PPP4R3A: variants seen among roughly 807,000 people sequenced by gnomAD.
PPP4R3A encodes serine/threonine-protein phosphatase 4 regulatory subunit 3A.
Under a neutral mutation model 91.7 loss-of-function variants are expected in PPP4R3A, and 15 were observed. The observed-to-expected ratio is 0.16, with a 90% confidence interval of 0.11 to 0.25. The LOEUF is 0.25. Among genes scored for constraint, PPP4R3A ranks in the 10% least tolerant of loss-of-function variants. The pLI, the probability that PPP4R3A is intolerant of heterozygous loss-of-function variation, is 1.00. For synonymous variants in PPP4R3A, 377 were observed against 348.7 expected, an observed-to-expected ratio of 1.08 and a Z score of -0.91; for missense variants, 623 against 998.4, an observed-to-expected ratio of 0.62 and a Z score of 5.07.
chr14:91,461,090 T>C (rs779204669), intron 14 of PPP4R3A, among the ~76,000 whole-genome samples: 4 of 152,236 alleles, frequency 2.6e-5, no homozygotes, highest in Non-Finnish European at 5.9e-5. Flanking sequence ...ACTGAAAACC[T>C]TGAACATTTC....
chr14:91,501,817 G>A (rs1475308487), intron 1 of PPP4R3A, among the ~76,000 whole-genome samples: 5 of 148,918 alleles, frequency 3.4e-5, no homozygotes, highest in Non-Finnish European at 7.4e-5. Flanking sequence ...CCATTCTCCT[G>A]CCTCAGCCTC....
chr14:91,486,905 C>CAAA (rs769201002), intron 2 of PPP4R3A, among the ~76,000 whole-genome samples: 28 of 86,894 alleles, frequency 3.2e-4, no homozygotes, highest in African/African-American at 8.5e-4. Flanking sequence ...ACTCTGTCTC[C>CAAA]AAAAAAAAAA....
intron 10 of PPP4R3A, among the ~76,000 whole-genome samples, chr14:91,468,667 C>CAAAAAAAAAAAAAAAAAAAAAAAAA (rs766250846): frequency 1.1e-4 from 5 of 45,042 alleles, no homozygotes; most frequent in South Asian, 1.7e-3. Flanking sequence ...GACTCCGTCT[C>CAAAAAAAAAAAAAAAAAAAAAAAAA]AAAAAAAAAA....
At chr14:91,459,007 C>CATAATGAATTGAAG in intron 14 of PPP4R3A, 138 bp from the exon 15 acceptor site, 2 of 930,362 alleles carry the variant, frequency 2.1e-6, no homozygotes, top group Non-Finnish European at 3.1e-6. Flanking sequence ...CTGTGTTAAA[C>CATAATGAATTGAAG]TTCAATTCAT....
At chr14:91,490,228 C>T (rs905124575) in intron 2 of PPP4R3A, among the ~76,000 whole-genome samples, 4 of 152,100 alleles carry the variant, frequency 2.6e-5, no homozygotes, top group Admixed American at 6.5e-5. Flanking sequence ...TATTTTTTTG[C>T]ATATTAGAAA....
chr14:91,462,495 T>C (rs1003913843), intron 12 of PPP4R3A, among the ~76,000 whole-genome samples: 1 of 102,442 alleles, frequency 9.8e-6, no homozygotes, highest in Non-Finnish European at 1.8e-5. Context: ...ACTTCCACTG[T>C]TTGGTCTTTT....
rs749611634 is a variant in PPP4R3A, at chr14:91,509,668, G to A, written c.-21C>T. On this transcript the variant is annotated 5_prime_UTR_variant, in exon 1 of 15. Coordinates refer to ENST00000554943, the MANE Select transcript of PPP4R3A (RefSeq NM_001366432.2). ...GTCATCGTGCCGCCCGGGAACCGGG[G>A]CGGGGGCCCCGCCAGTAGACGCCCA... The A allele has an allele frequency of 2.3e-5, 36 of 1,588,780 alleles. No individual in the cohort carries two copies. Among genetic ancestry groups the A allele is most frequent in the Non-Finnish European group, 2.8e-5 (33 of 1,174,820 alleles).
intron 1 of PPP4R3A, among the ~76,000 whole-genome samples, chr14:91,497,486 T>G (rs1033837292): frequency 6.6e-6 from 1 of 151,950 alleles, no homozygotes; most frequent in African/African-American, 2.4e-5. Context: ...TGAGAAAGAA[T>G]GAGAAAGGAA....
chr14:91,509,825 G>C lies in PPP4R3A; in HGVS notation c.-178C>G. 8.4e-7 allele frequency: 1 copy of C among 1,186,214 alleles called. No homozygotes were observed. The highest frequency in any genetic ancestry group is 1.0e-6 in the Non-Finnish European group (1 of 961,584). 73.5% of individuals were successfully genotyped at this position (1,186,214 alleles called of 1,614,324 possible). A position where few individuals can be genotyped will look rare whatever the true frequency, so the allele number is the denominator to read the frequency against. The stretch of plus-strand genomic sequence containing the variant: ...CTGCATGGCCCGCTCCAGGGACCGA[G>C]CTCTGGGCCGCCGCCTTTCCTCGCC... On this transcript the variant is annotated 5_prime_UTR_variant, in exon 1 of 15. Coordinates refer to ENST00000554943, the MANE Select transcript of PPP4R3A (RefSeq NM_001366432.2).
At chr14:91,476,553 T>C (rs1481945385) in intron 5 of PPP4R3A, 29 bp from the exon 6 acceptor site, 1 of 1,420,700 alleles carries the variant, frequency 7.0e-7, no homozygotes, top group Non-Finnish European at 9.7e-7. Flanking sequence ...ATAAGTGATA[T>C]AAAAAGTTTA....
chr14:91,498,120 A>G (rs1352144761), intron 1 of PPP4R3A, among the ~76,000 whole-genome samples: 1 of 152,176 alleles, frequency 6.6e-6, no homozygotes, highest in Non-Finnish European at 1.5e-5. Flanking sequence ...GAATCACTTG[A>G]TGTCAGGAAT....
At chr14:91,479,293 C>CATGT (rs372315479) in intron 4 of PPP4R3A, among the ~76,000 whole-genome samples, 2 of 144,088 alleles carry the variant, frequency 1.4e-5, no homozygotes, top group Non-Finnish European at 3.0e-5. Flanking sequence ...TAAAAAACAA[C>CATGT]GTGTGTGTGT....
chr14:91,465,130 CTT>C (rs34464175), intron 11 of PPP4R3A, 118 bp downstream of exon 11: 28,773 of 605,816 alleles, frequency 0.047, 2 homozygotes, highest in East Asian at 0.068. Flanking sequence ...GCTTTTAGTA[CTT>C]TTTTTTTTTT....
At chr14:91,486,599 C>A (rs544981297) in intron 2 of PPP4R3A, among the ~76,000 whole-genome samples, 1 of 152,168 alleles carries the variant, frequency 6.6e-6, no homozygotes, top group South Asian at 2.1e-4. Flanking sequence ...GTACCAAGAG[C>A]ATATATTCTA....
At chr14:91,509,369 C>G (rs1399400721) in intron 1 of PPP4R3A, 137 bp downstream of exon 1, 2 of 1,244,020 alleles carry the variant, frequency 1.6e-6, no homozygotes, top group East Asian at 2.6e-5. Context: ...ACCTGGGGCC[C>G]GTCCTCCCCC....
In PPP4R3A at chr14:91,458,849, T is replaced by C; in HGVS notation, c.2412A>G (p.Val804=). Reference sequence around the variant, plus strand: ...CATCTTCATCATCATCAGGATAATCTACCAGACCCACGAGGCCTCCCTGTT... The same window carrying C: ...CATCTTCATCATCATCAGGATAATCCACCAGACCCACGAGGCCTCCCTGTT... ...ITTKGGLVGL[V]DYPDDDEDDD... is the part of the protein sequence containing the mutation. The change falls in exon 15 of 15, where the codon GTA becomes GTG. Residue 804 remains valine (V), a synonymous_variant. Coordinates refer to ENST00000554943, the MANE Select transcript of PPP4R3A (RefSeq NM_001366432.2). 1 of 1,613,238 alleles carries C rather than the reference T, an allele frequency of 6.2e-7. No homozygotes were observed. The highest frequency in any genetic ancestry group is 1.7e-5 in the Admixed American group (1 of 59,946).
At chr14:91,459,614 G>A (rs1029082887) in intron 14 of PPP4R3A, among the ~76,000 whole-genome samples, 10 of 151,964 alleles carry the variant, frequency 6.6e-5, no homozygotes, top group African/African-American at 2.4e-4. Flanking sequence ...ATCACATGAG[G>A]ACAGGAGTTT....
intron 6 of PPP4R3A, 93 bp downstream of exon 6, chr14:91,476,315 A>G: frequency 1.0e-6 from 1 of 974,130 alleles, no homozygotes; most frequent in Non-Finnish European, 1.6e-6. Flanking sequence ...AATTTCAAAT[A>G]TTGGCTATAA....
chr14:91,490,918 TTAA>T (rs1344606520), intron 1 of PPP4R3A, 116 bp from the exon 2 acceptor site: 3 of 433,832 alleles, frequency 6.9e-6, no homozygotes, highest in Admixed American at 9.4e-5. Context: ...TTTTTTTTTT[TTAA>T]TGAGACAGGG....
Sources: allele counts gnomAD v4.1 joint callset (sites outside exome capture counted in the v4.1 genomes callset), GRCh38; gene constraint gnomAD v4.1.1; transcripts MANE v1.5; gene names NCBI Gene and HGNC (gene_info 2026-07-23, HGNC 2026-07-21).